KCNQ1: variants seen among roughly 807,000 people sequenced by gnomAD.
The protein encoded by KCNQ1 is potassium voltage-gated channel subfamily KQT member 1.
KCNQ1 carries 49 observed loss-of-function variants against 72.4 expected under a neutral mutation model. The observed-to-expected ratio is 0.68, with a 90% CI of 0.54 to 0.86. KCNQ1 has a LOEUF of 0.86. Among genes scored for constraint, KCNQ1 ranks in the 40% least tolerant of loss-of-function variants. The probability of loss-of-function intolerance (pLI) is 0.00; values close to 1 mark genes in which losing one functional copy is unlikely to be tolerated. For synonymous variants in KCNQ1, 450 were observed against 412.6 expected (o/e 1.09, Z -1.10); for missense variants, 790 against 945.1 (o/e 0.84, Z 2.15).
chr11:2,813,837 G>A lies in KCNQ1; in HGVS notation c.1795-33930G>A, dbSNP rs566171206. Among the ~76,000 whole-genome samples the A allele has an allele frequency of 1.4e-4, 22 of 152,236 alleles. No individual in the cohort carries two copies. In the South Asian group the frequency reaches 4.4e-3, roughly 30 times the overall value. ...ATGAGTGTGAGTGAGTGGCGGATGA[G>A]TAGGTAGATGGACGGGGAGCTGCAG... On this transcript the variant is annotated intron_variant, in intron 15 of 15. Transcript: ENST00000155840. The surrounding 1 kb of genome is among the most constrained non-coding windows in gnomAD (Gnocchi z 4.4).
chr11:2,627,266 T>G lies in KCNQ1; in HGVS notation c.1394-34695T>G. 2 of 398,548 alleles carry G rather than the reference T, an allele frequency of 5.0e-6. No homozygotes were observed. The highest frequency in any genetic ancestry group is 1.3e-4 in the South Asian group (1 of 7,854). The allele number at this position is 398,548 out of a possible 1,614,324, so 24.7% of individuals were successfully genotyped here. On this transcript the variant is annotated intron_variant, in intron 10 of 15. Coordinates refer to ENST00000155840, the MANE Select transcript of KCNQ1 (RefSeq NM_000218.3). The surrounding 1 kb of genome is among the most constrained non-coding windows in gnomAD (Gnocchi z 4.9). ...ACCTACTGTGAAATGATTACTACAATCAAGCCAATTAACATATACCTTACA... is the reference window on the plus strand; with the variant it reads ...ACCTACTGTGAAATGATTACTACAAGCAAGCCAATTAACATATACCTTACA...
rs1002964417 is a variant in KCNQ1 at position 2,603,943 on chromosome 11, G to A, written c.1393+15089G>A. Among the ~76,000 whole-genome samples the A allele has an allele frequency of 3.3e-5, 5 of 151,876 alleles. No individual in the cohort carries two copies. The highest frequency in any genetic ancestry group is 4.2e-4 in the South Asian group (2 of 4,816). On this transcript the variant is annotated intron_variant, in intron 10 of 15. Coordinates refer to ENST00000155840, the MANE Select transcript of KCNQ1 (RefSeq NM_000218.3). The surrounding 1 kb of genome is among the most constrained non-coding windows in gnomAD (Gnocchi z 4.1). Reference sequence around the variant, plus strand: ...TGACCTCAGGTGATCCGCCCACCTCGGCCTCCTAACCTGCTGGGACCACAG... The same window carrying A: ...TGACCTCAGGTGATCCGCCCACCTCAGCCTCCTAACCTGCTGGGACCACAG...
intron 15 of KCNQ1, among the ~76,000 whole-genome samples, chr11:2,802,358 A>C (rs980131865): frequency 5.3e-5 from 8 of 151,810 alleles, no homozygotes; most frequent in Admixed American, 3.3e-4. Context: ...CCCAGCCCTC[A>C]CCAGTATTAA....
intron 11 of KCNQ1, among the ~76,000 whole-genome samples, chr11:2,719,003 C>A (rs559332560): frequency 6.6e-6 from 1 of 152,354 alleles, no homozygotes; most frequent in East Asian, 1.9e-4. Context: ...CTGCCAGGGA[C>A]CATAGACCAC....
At position 2,478,932 on chromosome 11, in the gene KCNQ1, A is replaced by C. The variant is rs917628616; in HGVS notation, c.386+33448A>C. Among the ~76,000 whole-genome samples, 5 of 152,210 alleles carry C rather than the reference A, an allele frequency of 3.3e-5. No homozygotes were observed. Among genetic ancestry groups the C allele is most frequent in the African/African-American group, 2.4e-5 (1 of 41,452 alleles). ...GGCCTTGGATAAATACACCCATTTG[A>C]AATGGGAGTAATTGGCCAAAACGAA... On this transcript the variant is annotated intron_variant, in intron 1 of 15. Coordinates refer to ENST00000155840, the MANE Select transcript of KCNQ1 (RefSeq NM_000218.3). The surrounding 1 kb of genome is among the most constrained non-coding windows in gnomAD (Gnocchi z 4.0).
In KCNQ1 at chr11:2,663,252, T is replaced by C. The variant is rs1590016259; in HGVS notation, c.1514+1171T>C. On this transcript the variant is annotated intron_variant, in intron 11 of 15. Transcript: ENST00000155840. The surrounding 1 kb of genome is among the most constrained non-coding windows in gnomAD (Gnocchi z 5.2). ...CCAGCAGATCACTGGAAAGCAGGGG[T>C]GACTAGTCATGGACACCCTGAGAAT... is the stretch of plus-strand genomic sequence containing the variant. The C allele has an allele frequency of 2.5e-6, 1 of 398,216 alleles. No individual in the cohort carries two copies. Among genetic ancestry groups the C allele is most frequent in the African/African-American group, 2.1e-5 (1 of 48,484 alleles). 24.7% of individuals were successfully genotyped at this position (398,216 alleles called of 1,614,324 possible).
chr11:2,524,713 G>A (rs1235968633), intron 1 of KCNQ1, among the ~76,000 whole-genome samples: 3 of 152,180 alleles, frequency 2.0e-5, no homozygotes, highest in Admixed American at 1.3e-4. Flanking sequence ...GTCGACGCTC[G>A]CTGCTGATTC....
chr11:2,842,375 G>GC (rs1413637927), intron 15 of KCNQ1, among the ~76,000 whole-genome samples: 4 of 152,200 alleles, frequency 2.6e-5, no homozygotes, highest in African/African-American at 9.6e-5. Flanking sequence ...CCTGGTACCT[G>GC]CCCAAGCACC....
In KCNQ1 at chr11:2,588,233, C is replaced by G. The variant is rs569758668; in HGVS notation, c.1252-480C>G. On this transcript the variant is annotated intron_variant, in intron 9 of 15. Coordinates refer to ENST00000155840, the MANE Select transcript of KCNQ1 (RefSeq NM_000218.3). The surrounding 1 kb of genome is among the most constrained non-coding windows in gnomAD (Gnocchi z 5.6). ...TCCCCTTCCTGGCCCGTGCCCACCC[C>G]CTGTGGAGAGACCTGGCCTTCCCAG... 6.6e-6 allele frequency among the ~76,000 whole-genome samples: 1 copy of G among 152,170 alleles called. No homozygotes were observed. Among genetic ancestry groups the G allele is most frequent in the South Asian group, 2.1e-4 (1 of 4,822 alleles).
intron 11 of KCNQ1, chr11:2,685,279 G>A: frequency 2.5e-6 from 1 of 398,668 alleles, no homozygotes; most frequent in Non-Finnish European, 4.4e-6. Flanking sequence ...ACTGTGTCTT[G>A]CCCACAAACA....
In KCNQ1 at chr11:2,581,668, T is replaced by A. The variant is rs538406826; in HGVS notation, c.922-1767T>A. Among the ~76,000 whole-genome samples, 12 of 152,356 alleles carry A rather than the reference T, an allele frequency of 7.9e-5. No individual in the cohort carries two copies. In the East Asian group the frequency reaches 2.3e-3, roughly 29 times the overall value. On this transcript the variant is annotated intron_variant, in intron 6 of 15. Transcript: ENST00000155840. ...CATGGGGACCAGCTCCCTTTTCACA[T>A]GACCTTGTCATCTGTGTGACGCACG... is the stretch of plus-strand genomic sequence containing the variant.
chr11:2,641,287 G>A (rs1849572768), intron 10 of KCNQ1: 1 of 398,178 alleles, frequency 2.5e-6, no homozygotes, highest in African/African-American at 2.1e-5. Context: ...CAGTGTATAA[G>A]AGTTCCCTCC....
rs1408409580 is a variant in KCNQ1, at chr11:2,563,561, G to A, written c.478-7067G>A. ...ATGCACTGATTTCCCCTGGGTTGAG[G>A]TTGAGGGTCCCAGGGTCTGTCTGCC... On this transcript the variant is annotated intron_variant, in intron 2 of 15. Coordinates refer to ENST00000155840, the MANE Select transcript of KCNQ1 (RefSeq NM_000218.3). The surrounding 1 kb of genome is among the most constrained non-coding windows in gnomAD (Gnocchi z 7.4). Among the ~76,000 whole-genome samples, 1 of 152,208 alleles carries A rather than the reference G, an allele frequency of 6.6e-6. No individual in the cohort carries two copies. The highest frequency in any genetic ancestry group is 2.4e-5 in the African/African-American group (1 of 41,450).
In KCNQ1 at chr11:2,570,733, C is replaced by G; in HGVS notation, c.583C>G (p.Arg195Gly). Residue 195 changes from arginine (R) to glycine (G), a missense_variant, in exon 3 of 16, where the codon CGG becomes GGG. By Grantham distance (125) the Arg-to-Gly change is moderately radical. This residue lies in a region of KCNQ1 where 294 missense variants were observed against 323.3 expected (regional missense o/e 0.91). Coordinates refer to ENST00000155840, the MANE Select transcript of KCNQ1 (RefSeq NM_000218.3). ...VGLWGRLRFA[R>G]KPISIIDLIV... ...CCTCTGGGGGCGGCTGCGCTTTGCC[C>G]GGAAGCCCATTTCCATCATCGGTGA... is the stretch of plus-strand genomic sequence containing the variant. 3 of 1,611,734 alleles carry G rather than the reference C, an allele frequency of 1.9e-6. No homozygotes were observed. The highest frequency in any genetic ancestry group is 1.7e-6 in the Non-Finnish European group (2 of 1,179,984).
intron 10 of KCNQ1, chr11:2,618,230 CT>C: frequency 5.0e-6 from 2 of 398,496 alleles, no homozygotes; most frequent in Non-Finnish European, 8.8e-6. Context: ...AATCTTTTGG[CT>C]TCCCGGGGCC....
chr11:2,526,710 G>A lies in KCNQ1; in HGVS notation c.387-1218G>A, dbSNP rs1284446397. 6.6e-6 allele frequency among the ~76,000 whole-genome samples: 1 copy of A among 152,076 alleles called. No homozygotes were observed. Among genetic ancestry groups the A allele is most frequent in the East Asian group, 1.9e-4 (1 of 5,180 alleles). ...TGGGCTGTCCACATCTGGACAGGTG[G>A]AAGAGGATGGGTTCTGGGTGGGGCT... On this transcript the variant is annotated intron_variant, in intron 1 of 15. Coordinates refer to ENST00000155840, the MANE Select transcript of KCNQ1 (RefSeq NM_000218.3). This position sits in a 1 kb window ranked among gnomAD's most constrained non-coding sequence, Gnocchi z 6.1.
At chr11:2,788,681 T>G (rs1846959372) in intron 15 of KCNQ1, among the ~76,000 whole-genome samples, 1 of 152,194 alleles carries the variant, frequency 6.6e-6, no homozygotes, top group African/African-American at 2.4e-5. Context: ...CGTCATTAGT[T>G]TGCTATTCTG....
Position 2,536,566 on chromosome 11 carries a change from G to A in KCNQ1, c.477+8548G>A, listed in dbSNP as rs1312198180. Among the ~76,000 whole-genome samples, 1 of 152,172 alleles carries A rather than the reference G, an allele frequency of 6.6e-6. No individual in the cohort carries two copies. Among genetic ancestry groups the A allele is most frequent in the Non-Finnish European group, 1.5e-5 (1 of 68,020 alleles). ...GTAACATGTGATTTTGAGGCCACCC[G>A]CTACAGCTTCTTGGGACCTCCCTCT... On this transcript the variant is annotated intron_variant, in intron 2 of 15. Transcript: ENST00000155840. This position sits in a 1 kb window ranked among gnomAD's most constrained non-coding sequence, Gnocchi z 7.4.
intron 1 of KCNQ1, among the ~76,000 whole-genome samples, chr11:2,514,132 GC>G (rs1426491284): frequency 6.6e-6 from 1 of 152,190 alleles, no homozygotes; most frequent in Non-Finnish European, 1.5e-5. Flanking sequence ...AGTGGGAGAT[GC>G]CCCCCTCCCC....
Sources: allele counts gnomAD v4.1 joint callset (sites outside exome capture counted in the v4.1 genomes callset), GRCh38; gene constraint gnomAD v4.1.1; regional missense constraint gnomAD v4.1.1; non-coding constraint Gnocchi (gnomAD v3.1); transcripts MANE v1.5; gene names NCBI Gene and HGNC (gene_info 2026-07-23, HGNC 2026-07-21).